The following COL28A1 variants were observed in gnomAD, a reference collection of about 807,000 sequenced individuals.
The protein encoded by COL28A1 is collagen type XXVIII alpha 1 chain.
COL28A1 carries 161 observed loss-of-function variants against 150.2 expected under a neutral mutation model. The ratio of observed to expected loss-of-function variants is 1.07; its 90% CI spans 0.94 to 1.22. The LOEUF is 1.22. Ranked by LOEUF, COL28A1 falls within the 50% of genes most tolerant of loss-of-function variation. The pLI, the probability that COL28A1 is intolerant of heterozygous loss-of-function variation, is 0.00. For synonymous variants in COL28A1, 552 were observed against 469.7 expected (o/e 1.18, Z -2.26); for missense variants, 1,617 against 1,388.3 (o/e 1.16, Z -2.62).
At chr7:7,473,885 GTGTT>G in intron 15 of COL28A1, among the ~76,000 whole-genome samples, 1 of 150,598 alleles carries the variant, frequency 6.6e-6, no homozygotes, top group Non-Finnish European at 1.5e-5. Context: ...TATATAGTGT[GTGTT>G]TGTTTACATA....
Position 7,531,557 on chromosome 7 carries a change from G to A in COL28A1, c.472C>T (p.Leu158=). 2.5e-6 allele frequency: 4 copies of A among 1,609,426 alleles called. No homozygotes were observed. The highest frequency in any genetic ancestry group is 3.4e-6 in the Non-Finnish European group (4 of 1,175,910). ...GRKDGVKVVL[L]MTDGIDHPKN... Reference sequence around the variant, plus strand: ...GGATGGTCGATGCCATCAGTCATCAGCAAAACCACTTTCACACCATCCTTA... The same window carrying A: ...GGATGGTCGATGCCATCAGTCATCAACAAAACCACTTTCACACCATCCTTA... The change falls in exon 3 of 35, where the codon CTG becomes TTG. Residue 158 remains leucine, a synonymous_variant. Coordinates refer to ENST00000399429, the MANE Select transcript of COL28A1 (RefSeq NM_001037763.3).
intron 18 of COL28A1, among the ~76,000 whole-genome samples, chr7:7,450,376 T>A (rs1786598055): frequency 6.6e-6 from 1 of 151,994 alleles, no homozygotes; most frequent in Non-Finnish European, 1.5e-5. Flanking sequence ...AAAATAATAT[T>A]CAAAAATCAC....
intron 11 of COL28A1, among the ~76,000 whole-genome samples, chr7:7,497,833 C>G (rs1458142344): frequency 6.6e-6 from 1 of 152,142 alleles, no homozygotes; most frequent in East Asian, 1.9e-4. Context: ...TTATAACTGG[C>G]AATACTGTGA....
At chr7:7,363,793 A>C (rs1324238659) in intron 33 of COL28A1, among the ~76,000 whole-genome samples, 1 of 152,066 alleles carries the variant, frequency 6.6e-6, no homozygotes, top group African/African-American at 2.4e-5. Flanking sequence ...TGACTCTATA[A>C]CATTTATTAT....
intron 15 of COL28A1, among the ~76,000 whole-genome samples, chr7:7,472,366 T>C (rs985151111): frequency 2.6e-4 from 39 of 151,790 alleles, no homozygotes; most frequent in African/African-American, 9.2e-4. Flanking sequence ...AGCTCTTCTA[T>C]ACACCAACAG....
chr7:7,427,563 G>A (rs529727616), intron 25 of COL28A1, among the ~76,000 whole-genome samples: 8 of 152,276 alleles, frequency 5.3e-5, no homozygotes, highest in African/African-American at 1.9e-4. Flanking sequence ...TTGGTGGAGT[G>A]TACATATGTG....
At chr7:7,465,328 CAAAG>C (rs1321433405) in intron 15 of COL28A1, among the ~76,000 whole-genome samples, 19 of 143,940 alleles carry the variant, frequency 1.3e-4, no homozygotes, top group African/African-American at 4.7e-4. Context: ...CTTTCCGAGT[CAAAG>C]AAAGGGGTGA....
chr7:7,525,348 A>T (rs903485422), intron 3 of COL28A1, among the ~76,000 whole-genome samples: 1 of 152,170 alleles, frequency 6.6e-6, no homozygotes, highest in Non-Finnish European at 1.5e-5. Flanking sequence ...TTTGTCTAAC[A>T]CCTAGGCCTC....
chr7:7,354,580 G>T (rs890864243), downstream of COL28A1, among the ~76,000 whole-genome samples: 1 of 152,150 alleles, frequency 6.6e-6, no homozygotes, highest in African/African-American at 2.4e-5. Context: ...TGATCAGCTT[G>T]TGACAGGCTA....
intron 15 of COL28A1, among the ~76,000 whole-genome samples, chr7:7,471,106 T>TAAA (rs1788377616): frequency 1.0e-5 from 1 of 96,554 alleles, no homozygotes; most frequent in African/African-American, 4.3e-5. Context: ...AAACTTAGAG[T>TAAA]ATAATAAAAA....
chr7:7,443,745 T>G, intron 19 of COL28A1, 92 bp from the exon 20 acceptor site: 1 of 1,541,812 alleles, frequency 6.5e-7, no homozygotes, highest in Non-Finnish European at 8.8e-7. Flanking sequence ...ATTAGTGGAT[T>G]CAGCTGAGAC....
the COL28A1 span, among the ~76,000 whole-genome samples, chr7:7,342,272 G>C: frequency 6.6e-6 from 1 of 151,970 alleles, no homozygotes; most frequent in Admixed American, 6.6e-5. Context: ...CATTTGGTTC[G>C]TATTAGCATG....
At chr7:7,442,323 G>C (rs1398777012) in intron 20 of COL28A1, among the ~76,000 whole-genome samples, 2 of 152,130 alleles carry the variant, frequency 1.3e-5, no homozygotes, top group Non-Finnish European at 2.9e-5. Flanking sequence ...ACAATGTGGG[G>C]TTTAAACCTC....
chr7:7,434,992 G>A (rs189090223), intron 23 of COL28A1, among the ~76,000 whole-genome samples: 5 of 152,272 alleles, frequency 3.3e-5, no homozygotes, highest in East Asian at 1.9e-4. Context: ...ACCTTCAAAG[G>A]TGTGTATGAC....
At chr7:7,455,601 A>G (rs367749781) in intron 16 of COL28A1, among the ~76,000 whole-genome samples, 1 of 152,126 alleles carries the variant, frequency 6.6e-6, no homozygotes, top group Non-Finnish European at 1.5e-5. Context: ...TAACTATAAT[A>G]CTTTTTTAAA....
At chr7:7,481,230 A>C (rs1435234786) in intron 13 of COL28A1, among the ~76,000 whole-genome samples, 3 of 152,244 alleles carry the variant, frequency 2.0e-5, no homozygotes, top group African/African-American at 4.8e-5. Context: ...TGGATCTTTA[A>C]GGAGCCAAGT....
chr7:7,394,086 G>T (rs545452915), intron 27 of COL28A1, among the ~76,000 whole-genome samples: 1 of 152,148 alleles, frequency 6.6e-6, no homozygotes, highest in Non-Finnish European at 1.5e-5. Context: ...GGACTCTCCC[G>T]GTCTGTGGGC....
At chr7:7,453,602 A>G in intron 16 of COL28A1, 94 bp from the exon 17 acceptor site, 1 of 715,592 alleles carries the variant, frequency 1.4e-6, no homozygotes, top group South Asian at 1.6e-5. Context: ...ATAATAAGTT[A>G]CTTACACTCA....
downstream of COL28A1, among the ~76,000 whole-genome samples, chr7:7,357,332 G>A (rs1377848896): frequency 6.6e-6 from 1 of 152,150 alleles, no homozygotes; most frequent in African/African-American, 2.4e-5. Flanking sequence ...TTATAGGCGT[G>A]AGCCACGGCG....
Sources: allele counts gnomAD v4.1 joint callset (sites outside exome capture counted in the v4.1 genomes callset), GRCh38; gene constraint gnomAD v4.1.1; transcripts MANE v1.5; gene names NCBI Gene and HGNC (gene_info 2026-07-23, HGNC 2026-07-21).